GXYLT2: variants seen among roughly 807,000 people sequenced by gnomAD.
GXYLT2 encodes glucoside xylosyltransferase 2.
A neutral mutation model predicts 45.8 loss-of-function variants in GXYLT2; 53 were observed. The ratio of observed to expected loss-of-function variants is 1.16; its 90% CI spans 0.93 to 1.46. GXYLT2 has a LOEUF of 1.46. GXYLT2 is among the 40% of genes most tolerant of loss of function. The probability of loss-of-function intolerance (pLI) is 0.00; values close to 1 mark genes in which losing one functional copy is unlikely to be tolerated. For missense variants in GXYLT2, 551 were observed against 544.4 expected (o/e 1.01, Z -0.12); for synonymous variants, 219 against 214.2 (o/e 1.02, Z -0.19).
rs140751956 is a variant in GXYLT2 at position 72,973,812 on chromosome 3, G to A, written c.1150-1165G>A. Among the ~76,000 whole-genome samples, 582 of 152,256 alleles carry A rather than the reference G, an allele frequency of 3.8e-3. 4 individuals carry two copies. Among genetic ancestry groups the A allele is most frequent in the African/African-American group, 0.013 (525 of 41,546 alleles). On this transcript the variant is annotated intron_variant, in intron 6 of 6. Transcript: ENST00000389617. ...ACAGTGGTGAAAAGGACAGATTCAGGACTGGCTTCAAGGGGTTTATCAATG... is the reference window on the plus strand; with the variant it reads ...ACAGTGGTGAAAAGGACAGATTCAGAACTGGCTTCAAGGGGTTTATCAATG...
intron 3 of GXYLT2, among the ~76,000 whole-genome samples, chr3:72,952,261 C>T (rs750262859): frequency 2.0e-5 from 3 of 152,050 alleles, no homozygotes; most frequent in Non-Finnish European, 2.9e-5. Context: ...CCTCAGCCTC[C>T]CAGGCACCGT....
At chr3:72,901,150 G>A (rs530633192) in intron 1 of GXYLT2, among the ~76,000 whole-genome samples, 2 of 152,086 alleles carry the variant, frequency 1.3e-5, no homozygotes, top group East Asian at 1.9e-4. Context: ...TTAGCTAGGC[G>A]TGGTGGCAGG....
chr3:72,905,476 G>A (rs1216276292), intron 1 of GXYLT2, among the ~76,000 whole-genome samples: 1 of 151,968 alleles, frequency 6.6e-6, no homozygotes, highest in Non-Finnish European at 1.5e-5. Flanking sequence ...TTTTTTCACT[G>A]CTATATGGTA....
At chr3:72,962,430 A>C (rs545824546) in intron 5 of GXYLT2, among the ~76,000 whole-genome samples, 1 of 152,308 alleles carries the variant, frequency 6.6e-6, no homozygotes, top group East Asian at 1.9e-4. Context: ...AATGGAATTA[A>C]GAGAAGGGAG....
Position 72,975,734 on chromosome 3 carries a change from A to G in GXYLT2, c.*575A>G, listed in dbSNP as rs1711088258. 6.6e-6 allele frequency: 1 copy of G among 152,158 alleles called. No homozygotes were observed. Among genetic ancestry groups the G allele is most frequent in the Non-Finnish European group, 1.5e-5 (1 of 68,032 alleles). 9.4% of individuals were successfully genotyped at this position (152,158 alleles called of 1,614,324 possible). On this transcript the variant is annotated 3_prime_UTR_variant, in exon 7 of 7. Coordinates refer to ENST00000389617, the MANE Select transcript of GXYLT2 (RefSeq NM_001080393.2). ...TTTTGCATTTTCCACTCTAACACAC[A>G]TCTAAAACAGGTAATCTCAGTAAAA...
At position 72,916,826 on chromosome 3, in the gene GXYLT2, T is replaced by C. The variant is rs150363091; in HGVS notation, c.469-5378T>C. On this transcript the variant is annotated intron_variant, in intron 2 of 6. Coordinates refer to ENST00000389617, the MANE Select transcript of GXYLT2 (RefSeq NM_001080393.2). ...TGTGAGCCACCTCGCCCAGCCGCAGTTGAGTTTTAACAGCTTCATTGTATC... is the reference window on the plus strand; with the variant it reads ...TGTGAGCCACCTCGCCCAGCCGCAGCTGAGTTTTAACAGCTTCATTGTATC... Among the ~76,000 whole-genome samples, 202 of 151,830 alleles carry C rather than the reference T, an allele frequency of 1.3e-3. 1 individual carries two copies. The highest frequency in any genetic ancestry group is 5.2e-3 in the East Asian group (27 of 5,168).
intron 3 of GXYLT2, chr3:72,929,703 A>G: frequency 9.8e-6 from 6 of 614,448 alleles, no homozygotes; most frequent in South Asian, 7.4e-5. Context: ...GCACCACAAC[A>G]TCCAGAAAAA....
chr3:72,891,884 A>C (rs1709188015), intron 1 of GXYLT2, among the ~76,000 whole-genome samples: 1 of 152,188 alleles, frequency 6.6e-6, no homozygotes, highest in South Asian at 2.1e-4. Context: ...GAACAAGAGG[A>C]AAGGTTTATC....
chr3:72,909,128 G>A (rs1209835714), intron 2 of GXYLT2, among the ~76,000 whole-genome samples: 1 of 141,654 alleles, frequency 7.1e-6, no homozygotes, highest in Non-Finnish European at 1.5e-5. Flanking sequence ...GAGTCCAGTG[G>A]TGCGATCTTA....
intron 3 of GXYLT2, among the ~76,000 whole-genome samples, chr3:72,934,680 T>C (rs558457057): frequency 3.9e-4 from 59 of 152,296 alleles, no homozygotes; most frequent in African/African-American, 1.3e-3. Flanking sequence ...GATTCTCCCT[T>C]GGGCAAAATA....
At chr3:72,970,721 G>A (rs549808460) in intron 6 of GXYLT2, among the ~76,000 whole-genome samples, 30 of 152,080 alleles carry the variant, frequency 2.0e-4, no homozygotes, top group Non-Finnish European at 4.1e-4. Context: ...AATTAGCTGG[G>A]CGTTGTGGCG....
At chr3:72,947,675 C>T (rs1559745215) in intron 3 of GXYLT2, among the ~76,000 whole-genome samples, 1 of 152,054 alleles carries the variant, frequency 6.6e-6, no homozygotes, top group East Asian at 1.9e-4. Flanking sequence ...GTGGTGGGCA[C>T]CTGTGTTCCC....
At chr3:72,944,483 G>C (rs1205890842) in intron 3 of GXYLT2, among the ~76,000 whole-genome samples, 3 of 151,986 alleles carry the variant, frequency 2.0e-5, no homozygotes, top group Non-Finnish European at 4.4e-5. Flanking sequence ...TTGAACTCCT[G>C]ACCTCGAGTG....
chr3:72,939,945 C>G (rs1481482510), intron 3 of GXYLT2, among the ~76,000 whole-genome samples: 1 of 152,144 alleles, frequency 6.6e-6, no homozygotes, highest in East Asian at 1.9e-4. Flanking sequence ...CCTTGGCCTC[C>G]CAGAGTGCTA....
In GXYLT2 at chr3:72,930,059, G is replaced by C. The variant is rs1481055802; in HGVS notation, c.600+7724G>C. Reference sequence around the variant, plus strand: ...CGTGCACCTGTAATCCCAGCTACTCGAGAGGGTGAGCCAGGAGAATCACTT... The same window carrying C: ...CGTGCACCTGTAATCCCAGCTACTCCAGAGGGTGAGCCAGGAGAATCACTT... On this transcript the variant is annotated intron_variant, in intron 3 of 6. Coordinates refer to ENST00000389617, the MANE Select transcript of GXYLT2 (RefSeq NM_001080393.2). Among the ~76,000 whole-genome samples, 3 of 148,272 alleles carry C rather than the reference G, an allele frequency of 2.0e-5. No homozygotes were observed. In the Admixed American group the frequency reaches 2.0e-4, roughly 10 times the overall value.
chr3:72,960,180 A>G (rs144374026), intron 5 of GXYLT2, among the ~76,000 whole-genome samples: 395 of 152,242 alleles, frequency 2.6e-3, no homozygotes, highest in African/African-American at 8.3e-3. Flanking sequence ...CTCCTGGTGG[A>G]TCACTTGAGG....
At chr3:72,942,549 A>G (rs1710320849) in intron 3 of GXYLT2, among the ~76,000 whole-genome samples, 1 of 152,200 alleles carries the variant, frequency 6.6e-6, no homozygotes, top group Non-Finnish European at 1.5e-5. Flanking sequence ...ACTGTGGAGA[A>G]TATTGTCAGA....
At position 72,908,396 on chromosome 3, in the gene GXYLT2, C is replaced by T; in HGVS notation, c.305C>T (p.Ala102Val). Residue 102 changes from alanine (A) to valine (V), a missense_variant, in exon 2 of 7, where the codon GCT becomes GTT. Transcript: ENST00000389617. ...CCTGGAGAACCCAGGAGTTTCCAAG[C>T]TGTGCTGCCACCCGAGCTCTGGATC... ...RRPGEPRSFQ[A>V]VLPPELWIHL... 1.2e-6 allele frequency: 2 copies of T among 1,611,958 alleles called. No individual in the cohort carries two copies. The highest frequency in any genetic ancestry group is 1.7e-6 in the Non-Finnish European group (2 of 1,179,360).
chr3:72,970,398 C>G (rs1218029634), intron 6 of GXYLT2, among the ~76,000 whole-genome samples: 2 of 151,782 alleles, frequency 1.3e-5, no homozygotes, highest in Non-Finnish European at 1.5e-5. Flanking sequence ...TACAGAAGCT[C>G]ACGCCTATAA....
Sources: gnomAD v4.1 joint callset for allele counts (sites outside exome capture counted in the v4.1 genomes callset) on GRCh38, gnomAD v4.1.1 for gene constraint, MANE v1.5 for transcripts, NCBI Gene and HGNC (gene_info 2026-07-23, HGNC 2026-07-21) for gene names.